The following MICU2 variants were observed in gnomAD, a reference collection of about 807,000 sequenced individuals.
MICU2 encodes the protein calcium uptake protein 2, mitochondrial.
In MICU2, 64 loss-of-function variants were observed where a neutral mutation model predicts 60.4. That is an observed-to-expected ratio of 1.06 (90% confidence interval 0.87 to 1.31). The LOEUF (loss-of-function observed/expected upper bound fraction) is 1.31. MICU2 is among the 50% of genes most tolerant of loss of function. The probability of loss-of-function intolerance (pLI) is 0.00; values close to 1 mark genes in which losing one functional copy is unlikely to be tolerated. For synonymous variants in MICU2, 201 were observed against 175.0 expected, an observed-to-expected ratio of 1.15 and a Z score of -1.17; for missense variants, 569 against 531.0, an observed-to-expected ratio of 1.07 and a Z score of -0.70.
chr13:21,530,706 G>C (rs1400433924), intron 4 of MICU2: 9 of 431,914 alleles, frequency 2.1e-5, no homozygotes, highest in Admixed American at 1.1e-4. Flanking sequence ...GAGGGGGTCG[G>C]GGAGGCTGCA....
chr13:21,539,722 T>C (rs1887235583), intron 2 of MICU2, 34 bp from the exon 3 acceptor site: 4 of 1,595,916 alleles, frequency 2.5e-6, no homozygotes, highest in South Asian at 2.2e-5. Flanking sequence ...TTAGTATCCA[T>C]ATTCTTTGGT....
At chr13:21,572,058 CTTAG>C (rs202012127) in intron 1 of MICU2, among the ~76,000 whole-genome samples, 2,240 of 152,236 alleles carry the variant, frequency 0.015, 58 homozygotes, top group African/African-American at 0.049. Flanking sequence ...ATCTAATAAA[CTTAG>C]TTAGTTTCAA....
chr13:21,590,603 G>A (rs531569930), intron 1 of MICU2, among the ~76,000 whole-genome samples: 6 of 152,322 alleles, frequency 3.9e-5, no homozygotes, highest in South Asian at 2.1e-4. Context: ...TTGGTCGGGC[G>A]TGGTGGCTCA....
chr13:21,531,054 T>C, intron 4 of MICU2: 1 of 971,654 alleles, frequency 1.0e-6, no homozygotes, highest in Non-Finnish European at 1.7e-6. Context: ...TCGTGGTCTT[T>C]CCAAATATCC....
intron 1 of MICU2, among the ~76,000 whole-genome samples, chr13:21,575,116 G>T (rs1399145003): frequency 6.6e-6 from 1 of 152,058 alleles, no homozygotes; most frequent in African/African-American, 2.4e-5. Flanking sequence ...AGCTAGCATG[G>T]CTTTTTTTAG....
At chr13:21,496,003 A>G in intron 10 of MICU2, 49 bp downstream of exon 10, 1 of 1,352,042 alleles carries the variant, frequency 7.4e-7, no homozygotes, top group Admixed American at 1.9e-5. Flanking sequence ...AGAATATAGT[A>G]AAACTGTTTA....
intron 9 of MICU2, chr13:21,496,634 A>AC: frequency 6.5e-6 from 1 of 154,738 alleles, no homozygotes; most frequent in East Asian, 1.9e-4. Flanking sequence ...AACGTGTATG[A>AC]CCTTAGCCTC....
Position 21,603,919 on chromosome 13 carries a change from A to G in MICU2, c.210+20T>C. ...AGGGAGGAGCTTGACTGGGGCTAGC[A>G]GAAGGAGTTAGTCCTGTACCTGTGC... is the stretch of plus-strand genomic sequence containing the variant. On this transcript the variant is annotated intron_variant, in intron 1 of 11. Transcript: ENST00000382374. The G allele has an allele frequency of 6.3e-7, 1 of 1,596,272 alleles. No individual in the cohort carries two copies. Among genetic ancestry groups the G allele is most frequent in the Non-Finnish European group, 8.6e-7 (1 of 1,166,478 alleles).
chr13:21,503,169 A>G, intron 8 of MICU2, 72 bp from the exon 9 acceptor site: 1 of 1,127,286 alleles, frequency 8.9e-7, no homozygotes, highest in South Asian at 1.5e-5. Flanking sequence ...ATGGGTCTGC[A>G]AAGTACCTTC....
chr13:21,516,024 T>C (rs1230067938), intron 6 of MICU2, among the ~76,000 whole-genome samples: 1 of 152,206 alleles, frequency 6.6e-6, no homozygotes, highest in Admixed American at 6.5e-5. Context: ...CTACAACAAG[T>C]CACCATGTAA....
chr13:21,517,808 C>CGT (rs1886617304), intron 6 of MICU2, among the ~76,000 whole-genome samples: 1 of 151,416 alleles, frequency 6.6e-6, no homozygotes, highest in African/African-American at 2.4e-5. Context: ...CACGCGCGCG[C>CGT]GCGCGCACAC....
At chr13:21,513,300 G>A (rs1048604869) in intron 7 of MICU2, among the ~76,000 whole-genome samples, 28 of 152,106 alleles carry the variant, frequency 1.8e-4, no homozygotes, top group Non-Finnish European at 3.4e-4. Context: ...TAGCAAGAAT[G>A]GACATCCTTG....
chr13:21,551,733 C>G (rs568079146), intron 2 of MICU2, among the ~76,000 whole-genome samples: 1 of 151,732 alleles, frequency 6.6e-6, no homozygotes, highest in Non-Finnish European at 1.5e-5. Flanking sequence ...TGATGGTTTC[C>G]AGCTTCATCC....
intron 1 of MICU2, among the ~76,000 whole-genome samples, chr13:21,574,663 T>C (rs1888184362): frequency 6.6e-6 from 1 of 152,236 alleles, no homozygotes; most frequent in African/African-American, 2.4e-5. Flanking sequence ...GCCTTCCCTA[T>C]AGCTTTCAAT....
chr13:21,533,525 G>T (rs1192566177), intron 4 of MICU2, among the ~76,000 whole-genome samples: 1 of 150,038 alleles, frequency 6.7e-6, no homozygotes, highest in African/African-American at 2.5e-5. Context: ...GGGTTTCACC[G>T]TGTTAGCCAG....
At chr13:21,530,936 A>G (rs555121992) in intron 4 of MICU2, 5 of 765,730 alleles carry the variant, frequency 6.5e-6, no homozygotes, top group East Asian at 2.4e-5. Flanking sequence ...GTTGGCCCCA[A>G]TCCTGTGGTC....
Position 21,539,312 on chromosome 13 carries a change from AAG to A in MICU2, c.454_455del (p.Leu152TrpfsTer3). ...ACAAACCAAAATTACCTTTATCGCC[AAG>A]GTCTCTGAAAAAAGTTGATCCACAG... ...AGCGSTFFRD[L>X]GDKGLISYTE... On this transcript the variant is annotated frameshift_variant, in exon 4 of 12. Transcript: ENST00000382374. LOFTEE classifies it high-confidence loss of function. 6.2e-7 allele frequency: 1 copy of A among 1,613,982 alleles called. No individual in the cohort carries two copies. The highest frequency in any genetic ancestry group is 2.2e-5 in the East Asian group (1 of 44,884).
At position 21,603,965 on chromosome 13, in the gene MICU2, CCCG is replaced by C. The variant is rs1566175634; in HGVS notation, c.181_183del (p.Arg61del). 3 of 1,612,556 alleles carry C rather than the reference CCCG, an allele frequency of 1.9e-6. No individual in the cohort carries two copies. The South Asian group carries it at 3.3e-5, about 18-fold the overall frequency. ...TGTGCGGAGACTGTAAAACTGCCATCCCGCGCCGCAACACTGACGCGGCTGTGG... is the reference window on the plus strand; with the variant it reads ...TGTGCGGAGACTGTAAAACTGCCATCCGCCGCAACACTGACGCGGCTGTGG... On this transcript the variant is annotated inframe_deletion, in exon 1 of 12. Transcript: ENST00000382374.
chr13:21,567,266 A>T (rs528518835), intron 1 of MICU2, among the ~76,000 whole-genome samples: 1 of 152,330 alleles, frequency 6.6e-6, no homozygotes, highest in African/African-American at 2.4e-5. Context: ...ATACCATAAG[A>T]TAGTCAGAGA....
Sources: gnomAD v4.1 joint callset for allele counts (sites outside exome capture counted in the v4.1 genomes callset) on GRCh38, gnomAD v4.1.1 for gene constraint, MANE v1.5 for transcripts, NCBI Gene and HGNC (gene_info 2026-07-23, HGNC 2026-07-21) for gene names.